SLC37A2: variants seen among roughly 807,000 people sequenced by gnomAD.
SLC37A2 encodes the protein glucose-6-phosphate exchanger SLC37A2.
A neutral mutation model predicts 70.7 loss-of-function variants in SLC37A2; 59 were observed. That is an observed-to-expected ratio of 0.83 (90% confidence interval 0.68 to 1.04). The LOEUF is 1.04. SLC37A2 is among the 50% of genes least tolerant of loss of function. The probability of loss-of-function intolerance (pLI) is 0.00; values close to 1 mark genes in which losing one functional copy is unlikely to be tolerated. For missense variants in SLC37A2, 580 were observed against 658.1 expected, an observed-to-expected ratio of 0.88 and a Z score of 1.30; for synonymous variants, 257 against 262.1, an observed-to-expected ratio of 0.98 and a Z score of 0.19.
intron 12 of SLC37A2, among the ~76,000 whole-genome samples, chr11:125,084,582 G>A (rs1565399917): frequency 6.6e-6 from 1 of 152,238 alleles, no homozygotes; most frequent in Non-Finnish European, 1.5e-5. Context: ...CTTGATCAAG[G>A]AAAGAAGAGA....
chr11:125,081,822 C>T lies in SLC37A2; in HGVS notation c.801C>T (p.Ser267=), dbSNP rs181024684. The change falls in exon 9 of 18, where the codon AGC becomes AGT. Residue 267 remains serine (S), a synonymous_variant. Transcript: ENST00000403796. ...PGNSPCSIRE[S]GLETVAKCSK... ...ACAGTCCCTGCTCTATCAGGGAGAG[C>T]GGCCTTGAGACTGTGGCCAAATGCT... 78 of 1,613,862 alleles carry T rather than the reference C, an allele frequency of 4.8e-5. No individual in the cohort carries two copies. The Middle Eastern group carries it at 1.3e-3, about 27-fold the overall frequency.
In SLC37A2 at chr11:125,075,398, C is replaced by T. The variant is rs913227941; in HGVS notation, c.60-1359C>T. Among the ~76,000 whole-genome samples the T allele has an allele frequency of 3.3e-5, 5 of 152,206 alleles. 1 individual carries two copies. The highest frequency in any genetic ancestry group is 2.6e-4 in the Admixed American group (4 of 15,284). The stretch of plus-strand genomic sequence containing the variant: ...ACTGTGACAGGCACTTGGAGTAGCC[C>T]CAGCTTCCCTAGACAACTTGAGTCC... On this transcript the variant is annotated intron_variant, in intron 1 of 17. Transcript: ENST00000403796.
intron 4 of SLC37A2, among the ~76,000 whole-genome samples, chr11:125,078,854 A>G (rs1949117338): frequency 6.6e-6 from 1 of 151,990 alleles, no homozygotes; most frequent in Non-Finnish European, 1.5e-5. Context: ...GTGTTGCAAA[A>G]GACCGCACCG....
Position 125,085,383 on chromosome 11 carries a change from G to C in SLC37A2, c.1249-12G>C, listed in dbSNP as rs746278552. 1.2e-6 allele frequency: 2 copies of C among 1,612,914 alleles called. No individual in the cohort carries two copies. Among genetic ancestry groups the C allele is most frequent in the Non-Finnish European group, 1.7e-6 (2 of 1,179,556 alleles). ...CTCAGCTGGGCTTCCCCACTCCACT[G>C]TCTCTCTCCAGGGGACTCACAAGAG... On this transcript the variant is annotated splice_polypyrimidine_tract_variant and intron_variant, in intron 14 of 17. Coordinates refer to ENST00000403796, the MANE Select transcript of SLC37A2 (RefSeq NM_001145290.2).
intron 1 of SLC37A2, among the ~76,000 whole-genome samples, chr11:125,075,470 C>T (rs1253364325): frequency 6.6e-6 from 1 of 152,232 alleles, no homozygotes; most frequent in Non-Finnish European, 1.5e-5. Flanking sequence ...GAACCGGTGG[C>T]CAGAGAGGCC....
chr11:125,070,771 C>A (rs1010485062), intron 1 of SLC37A2, among the ~76,000 whole-genome samples: 2 of 152,130 alleles, frequency 1.3e-5, no homozygotes, highest in Non-Finnish European at 2.9e-5. Flanking sequence ...CTGTGGAGGT[C>A]CCATCCCCCA....
chr11:125,083,484 CTGA>C lies in SLC37A2; in HGVS notation c.977-330_977-328del. The C allele has an allele frequency of 3.5e-6, 1 of 288,482 alleles. No homozygotes were observed. The highest frequency in any genetic ancestry group is 6.6e-6 in the Non-Finnish European group (1 of 150,468). The allele number at this position is 288,482 out of a possible 1,614,324, so 17.9% of individuals were successfully genotyped here. On this transcript the variant is annotated intron_variant, in intron 10 of 17. Coordinates refer to ENST00000403796, the MANE Select transcript of SLC37A2 (RefSeq NM_001145290.2). The surrounding 1 kb of genome is among the most constrained non-coding windows in gnomAD (Gnocchi z 4.6). ...GGAGTGAAGCAGAGAAAGGGCTGGG[CTGA>C]GCTTCAGGTTGCGCTCCAGGGGAAA...
rs1173849354 is a variant in SLC37A2 at position 125,083,862 on chromosome 11, G to A, written c.1024G>A (p.Val342Ile). 6.2e-7 allele frequency: 1 copy of A among 1,614,092 alleles called. No individual in the cohort carries two copies. Among genetic ancestry groups the A allele is most frequent in the Non-Finnish European group, 8.5e-7 (1 of 1,180,040 alleles). ...EAGDLSTLFD[V>I]GGIIGGIVAG... Reference sequence around the variant, plus strand: ...TGGGGACCTGTCTACACTCTTCGATGTTGGTGGCATCATAGGTGAGGCCTT... The same window carrying A: ...TGGGGACCTGTCTACACTCTTCGATATTGGTGGCATCATAGGTGAGGCCTT... The change falls in exon 11 of 18, where the codon GTT becomes ATT. Residue 342 changes from valine (V) to isoleucine (I), a missense_variant. By Grantham distance (29) the Val-to-Ile change is conservative. Coordinates refer to ENST00000403796, the MANE Select transcript of SLC37A2 (RefSeq NM_001145290.2). The surrounding 1 kb of genome is among the most constrained non-coding windows in gnomAD (Gnocchi z 4.6).
intron 7 of SLC37A2, 117 bp from the exon 8 acceptor site, chr11:125,081,303 AG>A (rs557622461): frequency 1.1e-5 from 10 of 951,114 alleles, no homozygotes; most frequent in Non-Finnish European, 1.2e-5. Context: ...TAGGAGCTGG[AG>A]GCGGGGCTGG....
At position 125,072,667 on chromosome 11, in the gene SLC37A2, T is replaced by C. The variant is rs190166209; in HGVS notation, c.60-4090T>C. ...AAGTGAAACCTGCGGGTTCTAAACA[T>C]GGAAGGAGTGCGTCAGCTGCCTTTC... On this transcript the variant is annotated intron_variant, in intron 1 of 17. Transcript: ENST00000403796. Among the ~76,000 whole-genome samples the C allele has an allele frequency of 9.5e-4, 145 of 152,318 alleles. 1 individual carries two copies. The highest frequency in any genetic ancestry group is 3.3e-3 in the African/African-American group (139 of 41,568).
intron 4 of SLC37A2, among the ~76,000 whole-genome samples, chr11:125,077,756 T>G: frequency 6.6e-6 from 1 of 152,234 alleles, no homozygotes; most frequent in East Asian, 1.9e-4. Flanking sequence ...GATGCTGCTT[T>G]TGAGTCTATT....
rs759079909 is a variant in SLC37A2, at chr11:125,063,390, G to C, written c.23G>C (p.Gly8Ala). 1.1e-5 allele frequency: 18 copies of C among 1,612,006 alleles called. No individual in the cohort carries two copies. The South Asian group carries it at 2.0e-4, about 18-fold the overall frequency. Residue 8 changes from glycine (G) to alanine (A), a missense_variant, in exon 1 of 18, where the codon GGA (glycine) becomes GCA (alanine). Transcript: ENST00000403796. The surrounding 1 kb of genome is among the most constrained non-coding windows in gnomAD (Gnocchi z 5.4). MRSSLAPGVWFFRAFSRD... is the reference protein window; with the variant it reads MRSSLAPAVWFFRAFSRD... ...AAAATGCGGTCCTCCCTGGCTCCGGGAGTCTGGTTCTTCCGGGCCTTCTCC... is the reference window on the plus strand; with the variant it reads ...AAAATGCGGTCCTCCCTGGCTCCGGCAGTCTGGTTCTTCCGGGCCTTCTCC...
At position 125,080,680 on chromosome 11, in the gene SLC37A2, C is replaced by T. The variant is rs779369123; in HGVS notation, c.594C>T (p.Ile198=). The T allele has an allele frequency of 4.1e-5, 65 of 1,585,890 alleles. No individual in the cohort carries two copies. The highest frequency in any genetic ancestry group is 3.3e-4 in the South Asian group (29 of 87,436). The change falls in exon 7 of 18, where the codon ATC becomes ATT. Residue 198 remains isoleucine (I), a synonymous_variant. Transcript: ENST00000403796. The surrounding 1 kb of genome is among the most constrained non-coding windows in gnomAD (Gnocchi z 4.3). The part of the protein sequence containing the change: ...TSVGNILGSL[I]AGIWVNGQWG... ...TGGGCAACATCCTGGGCTCCCTGAT[C>T]GCCGGCATCTGGGTGAACGGGCAGT...
chr11:125,083,929 G>A lies in SLC37A2; in HGVS notation c.1039+52G>A, dbSNP rs752985116. 28 of 1,574,676 alleles carry A rather than the reference G, an allele frequency of 1.8e-5. No homozygotes were observed. In the African/African-American group the frequency reaches 3.8e-4, roughly 21 times the overall value. ...AGGCTCCCTTCCCCTCTTTTCTTGT[G>A]GGGTGCAGGAAGAAGGGACAGGTCC... On this transcript the variant is annotated intron_variant, in intron 11 of 17. Coordinates refer to ENST00000403796, the MANE Select transcript of SLC37A2 (RefSeq NM_001145290.2). The surrounding 1 kb of genome is among the most constrained non-coding windows in gnomAD (Gnocchi z 4.6).
At position 125,083,914 on chromosome 11, in the gene SLC37A2, C is replaced by T. The variant is rs893169384; in HGVS notation, c.1039+37C>T. On this transcript the variant is annotated intron_variant, in intron 11 of 17. Transcript: ENST00000403796. This position sits in a 1 kb window ranked among gnomAD's most constrained non-coding sequence, Gnocchi z 4.6. ...CCCTGCTCTGCCAGCAGGCTCCCTTCCCCTCTTTTCTTGTGGGGTGCAGGA... is the reference window on the plus strand; with the variant it reads ...CCCTGCTCTGCCAGCAGGCTCCCTTTCCCTCTTTTCTTGTGGGGTGCAGGA... 8 of 1,600,714 alleles carry T rather than the reference C, an allele frequency of 5.0e-6. No homozygotes were observed. The highest frequency in any genetic ancestry group is 6.8e-6 in the Non-Finnish European group (8 of 1,167,952).
At chr11:125,086,555 C>G (rs1025266024) in intron 17 of SLC37A2, 10 of 405,188 alleles carry the variant, frequency 2.5e-5, no homozygotes, top group South Asian at 2.4e-4. Flanking sequence ...TGCGACTGAG[C>G]TGCAAGTGCC....
In SLC37A2 at chr11:125,088,169, G is replaced by C. The variant is rs1949243736; in HGVS notation, c.*35G>C. On this transcript the variant is annotated 3_prime_UTR_variant, in exon 18 of 18. Coordinates refer to ENST00000403796, the MANE Select transcript of SLC37A2 (RefSeq NM_001145290.2). ...TGGAACAGCAGCATGGAGGGTCCCA[G>C]TTGGGTCCCCAACGTGCTCCCCATG... 6 of 1,551,212 alleles carry C rather than the reference G, an allele frequency of 3.9e-6. No individual in the cohort carries two copies. Among genetic ancestry groups the C allele is most frequent in the Non-Finnish European group, 5.2e-6 (6 of 1,146,560 alleles).
intron 1 of SLC37A2, among the ~76,000 whole-genome samples, chr11:125,073,338 C>A (rs1429387724): frequency 1.3e-5 from 2 of 152,258 alleles, no homozygotes; most frequent in Non-Finnish European, 2.9e-5. Context: ...CTAGACCCAG[C>A]TATGCACAGC....
chr11:125,084,397 C>A, intron 12 of SLC37A2, 78 bp downstream of exon 12: 1 of 1,346,160 alleles, frequency 7.4e-7, no homozygotes, highest in Non-Finnish European at 1.1e-6. Flanking sequence ...TGTGCACGTC[C>A]ACGCGTTACA....
Sources: allele counts gnomAD v4.1 joint callset (sites outside exome capture counted in the v4.1 genomes callset), GRCh38; gene constraint gnomAD v4.1.1; non-coding constraint Gnocchi (gnomAD v3.1); transcripts MANE v1.5; gene names NCBI Gene and HGNC (gene_info 2026-07-23, HGNC 2026-07-21).